The following NMRK2 variants were observed in gnomAD, a reference collection of about 807,000 sequenced individuals.
NMRK2 encodes the protein nicotinamide riboside kinase 2.
A neutral mutation model predicts 24.7 loss-of-function variants in NMRK2; 34 were observed. That is an observed-to-expected ratio of 1.37 (90% CI 1.05 to 1.83). The LOEUF (loss-of-function observed/expected upper bound fraction) is 1.83, where lower values mean the gene tolerates loss of function less well. NMRK2 is among the 40% of genes most tolerant of loss of function. The pLI, the probability that NMRK2 is intolerant of heterozygous loss-of-function variation, is 0.00. For synonymous variants in NMRK2, 145 were observed against 125.6 expected (o/e 1.15, Z -1.03); for missense variants, 341 against 315.0 (o/e 1.08, Z -0.62).
intron 5 of NMRK2, 63 bp downstream of exon 5, chr19:3,938,822 GT>G (rs1178177619): frequency 0.037 from 6,735 of 183,352 alleles, 69 homozygotes; most frequent in Non-Finnish European, 0.047. Flanking sequence ...GCCATCTCTT[GT>G]TTTTTTTTTT....
At position 3,933,505 on chromosome 19, in the gene NMRK2, G is replaced by GCCCCAT; in HGVS notation, c.-161_-156dup. 1 of 667,254 alleles carries GCCCCAT rather than the reference G, an allele frequency of 1.5e-6. No individual in the cohort carries two copies. Among genetic ancestry groups the GCCCCAT allele is most frequent in the Middle Eastern group, 3.7e-4 (1 of 2,702 alleles). 41.3% of individuals were successfully genotyped at this position (667,254 alleles called of 1,614,324 possible). A position where few individuals can be genotyped will look rare whatever the true frequency, so the allele number is the denominator to read the frequency against. On this transcript the variant is annotated 5_prime_UTR_variant, in exon 2 of 8. Transcript: ENST00000168977. Reference sequence around the variant, plus strand: ...GGCGGGAACAGGTGCCGGCGCCTCCGCCCCATCCCCAGGGGCCGCCTCCCC... The same window carrying GCCCCAT: ...GGCGGGAACAGGTGCCGGCGCCTCCGCCCCATCCCCATCCCCAGGGGCCGCCTCCCC...
At chr19:3,938,470 C>G in intron 4 of NMRK2, 133 bp from the exon 5 acceptor site, 1 of 664,382 alleles carries the variant, frequency 1.5e-6, no homozygotes, top group Non-Finnish European at 2.3e-6. Context: ...CCACTGTCCC[C>G]CCGGGGTCCA....
At position 3,941,132 on chromosome 19, in the gene NMRK2, T is replaced by G; in HGVS notation, c.457T>G (p.Tyr153Asp). The change falls in exon 7 of 8, where the codon TAC becomes GAC. Residue 153 changes from tyrosine to aspartate, a missense_variant. By Grantham distance (160) the Tyr-to-Asp change is radical. Transcript: ENST00000168977. ...GLFDGHVWPM[Y>D]QKYRQEMEAN... ...CTTCGATGGCCACGTGTGGCCCATG[T>G]ACCAGAAGTATAGGCAGGAGATGGA... 6.3e-7 allele frequency: 1 copy of G among 1,585,548 alleles called. No individual in the cohort carries two copies. The highest frequency in any genetic ancestry group is 8.6e-7 in the Non-Finnish European group (1 of 1,162,528).
intron 2 of NMRK2, among the ~76,000 whole-genome samples, chr19:3,935,974 G>A (rs1013440114): frequency 6.6e-6 from 1 of 152,068 alleles, no homozygotes; most frequent in Non-Finnish European, 1.5e-5. Context: ...ACTTTGGGAG[G>A]CCAAGGCAGG....
At chr19:3,940,967 A>C (rs1469308272) in intron 6 of NMRK2, 104 bp from the exon 7 acceptor site, 1 of 704,606 alleles carries the variant, frequency 1.4e-6, no homozygotes, top group Admixed American at 2.4e-5. Flanking sequence ...CCTTGCTCAG[A>C]GGTTCTGTCC....
At chr19:3,938,510 CG>C in intron 4 of NMRK2, 92 bp from the exon 5 acceptor site, 2 of 1,060,174 alleles carry the variant, frequency 1.9e-6, no homozygotes, top group South Asian at 2.3e-5. Context: ...CCCCATCCAC[CG>C]TCCCCTGGGG....
At chr19:3,934,620 G>A (rs1047875871) in intron 2 of NMRK2, among the ~76,000 whole-genome samples, 4 of 150,232 alleles carry the variant, frequency 2.7e-5, no homozygotes, top group African/African-American at 7.4e-5. Context: ...TTGCTCTGTT[G>A]CCCCAGGCTG....
At chr19:3,937,917 T>C (rs371696624) in intron 4 of NMRK2, among the ~76,000 whole-genome samples, 50 of 54,916 alleles carry the variant, frequency 9.1e-4, no homozygotes, top group South Asian at 1.5e-3. Flanking sequence ...CGTCCACTGT[T>C]CCCCCGGGGT....
chr19:3,940,752 A>G lies in NMRK2; in HGVS notation c.396-319A>G, dbSNP rs1345429180. ...TCCATCTCAAAAAAAAAAAAAAAAA[A>G]AGAGAAAACGCCACTGGACACGGGC... On this transcript the variant is annotated intron_variant, in intron 6 of 7. Transcript: ENST00000168977. Among the ~76,000 whole-genome samples, 32 of 150,906 alleles carry G rather than the reference A, an allele frequency of 2.1e-4. No homozygotes were observed. The East Asian group carries it at 3.5e-3, about 16-fold the overall frequency.
rs868634422 is a variant in NMRK2 at position 3,938,830 on chromosome 19, T to G, written c.323+71T>G. 877 of 578,508 alleles carry G rather than the reference T, an allele frequency of 1.5e-3. 14 individuals are homozygous for G. Among genetic ancestry groups the G allele is most frequent in the Middle Eastern group, 4.6e-3 (9 of 1,972 alleles). 35.8% of individuals were successfully genotyped at this position (578,508 alleles called of 1,614,324 possible). A position where few individuals can be genotyped will look rare whatever the true frequency, so the allele number is the denominator to read the frequency against. On this transcript the variant is annotated intron_variant, in intron 5 of 7. Coordinates refer to ENST00000168977, the MANE Select transcript of NMRK2 (RefSeq NM_170678.3). Reference sequence around the variant, plus strand: ...GGGTATAGCCATCTCTTGTTTTTTTTTTTTTTTTTTTTTGTTTTGTTTTTT... The same window carrying G: ...GGGTATAGCCATCTCTTGTTTTTTTGTTTTTTTTTTTTTGTTTTGTTTTTT...
At chr19:3,941,981 G>T (rs983000231) in intron 7 of NMRK2, 102 bp from the exon 8 acceptor site, 3 of 928,240 alleles carry the variant, frequency 3.2e-6, no homozygotes, top group South Asian at 1.6e-5. Flanking sequence ...CCAGCAGCCC[G>T]ACTCTGCAGA....
intron 3 of NMRK2, 94 bp from the exon 4 acceptor site, chr19:3,937,146 G>T: frequency 1.6e-6 from 2 of 1,276,256 alleles, no homozygotes; most frequent in Non-Finnish European, 2.3e-6. Flanking sequence ...GACCTCAGCA[G>T]CTCCAGCAAG....
chr19:3,941,945 C>A, intron 7 of NMRK2, 138 bp from the exon 8 acceptor site: 1 of 667,990 alleles, frequency 1.5e-6, no homozygotes, highest in Non-Finnish European at 2.6e-6. Flanking sequence ...CCGGCCCCCT[C>A]TTGCTGTTGG....
At position 3,938,568 on chromosome 19, in the gene NMRK2, C is replaced by G. The variant is rs748559045; in HGVS notation, c.167-35C>G. 9 of 1,519,232 alleles carry G rather than the reference C, an allele frequency of 5.9e-6. No homozygotes were observed. In the South Asian group the frequency reaches 1.0e-4, roughly 17 times the overall value. 94.1% of individuals were successfully genotyped at this position (1,519,232 alleles called of 1,614,324 possible). ...CTCCCCGTCCACTATCCCCCAGGGT[C>G]TGCCCTCCTGCAATGCCTGCTCCCC... On this transcript the variant is annotated intron_variant, in intron 4 of 7. Coordinates refer to ENST00000168977, the MANE Select transcript of NMRK2 (RefSeq NM_170678.3).
chr19:3,939,158 A>ATT (rs1398006876), intron 5 of NMRK2, among the ~76,000 whole-genome samples: 9 of 146,874 alleles, frequency 6.1e-5, no homozygotes, highest in Non-Finnish European at 1.2e-4. Context: ...TCACATCTCC[A>ATT]TTTTAATAGT....
chr19:3,942,198 C>T lies in NMRK2; in HGVS notation c.618C>T (p.Ala206=), dbSNP rs572917677. The change falls in exon 8 of 8, where the codon GCC becomes GCT. Residue 206 remains alanine (A), a synonymous_variant. Coordinates refer to ENST00000168977, the MANE Select transcript of NMRK2 (RefSeq NM_170678.3). ...CAGCCCCCTCCCCGGCTCGCCCAGC[C>T]AGGACACAGGGACCCGGACGCGGAT... The part of the protein sequence containing the change: ...QESAPSPARP[A]RTQGPGRGCG... 1.2e-6 allele frequency: 2 copies of T among 1,613,216 alleles called. No homozygotes were observed. The highest frequency in any genetic ancestry group is 2.7e-5 in the African/African-American group (2 of 75,074).
chr19:3,942,207 G>C lies in NMRK2; in HGVS notation c.627G>C (p.Gln209His). The change falls in exon 8 of 8, where the codon CAG (glutamine) becomes CAC (histidine). Residue 209 changes from glutamine to histidine, a missense_variant. Gln to His is a conservative substitution (Grantham distance 24). Coordinates refer to ENST00000168977, the MANE Select transcript of NMRK2 (RefSeq NM_170678.3). ...APSPARPART[Q>H]GPGRGCGHRT... ...CCCCGGCTCGCCCAGCCAGGACACA[G>C]GGACCCGGACGCGGATGCGGCCACA... 6.2e-7 allele frequency: 1 copy of C among 1,613,068 alleles called. No individual in the cohort carries two copies. Among genetic ancestry groups the C allele is most frequent in the South Asian group, 1.1e-5 (1 of 91,066 alleles).
chr19:3,937,143 G>C, intron 3 of NMRK2, 97 bp from the exon 4 acceptor site: 1 of 1,229,964 alleles, frequency 8.1e-7, no homozygotes, highest in Non-Finnish European at 1.2e-6. Context: ...AGGGACCTCA[G>C]CAGCTCCAGC....
chr19:3,935,746 G>C (rs2039202121), intron 2 of NMRK2, among the ~76,000 whole-genome samples: 1 of 151,676 alleles, frequency 6.6e-6, no homozygotes, highest in Non-Finnish European at 1.5e-5. Flanking sequence ...CACCTGGCTA[G>C]TTTTTAATTT....
Sources: gnomAD v4.1 joint callset for allele counts (sites outside exome capture counted in the v4.1 genomes callset) on GRCh38, gnomAD v4.1.1 for gene constraint, MANE v1.5 for transcripts, NCBI Gene and HGNC (gene_info 2026-07-23, HGNC 2026-07-21) for gene names.